The following PDE8A variants were observed in gnomAD, a reference collection of about 807,000 sequenced individuals.
PDE8A encodes high affinity cAMP-specific and IBMX-insensitive 3',5'-cyclic phosphodiesterase 8A.
PDE8A carries 59 observed loss-of-function variants against 105.0 expected under a neutral mutation model. That is an observed-to-expected ratio of 0.56 (90% CI 0.46 to 0.70). The LOEUF (loss-of-function observed/expected upper bound fraction) is 0.70, where lower values mean the gene tolerates loss of function less well. Ranked by LOEUF, PDE8A falls within the 30% of genes least tolerant of loss-of-function variation. The pLI, the probability that PDE8A is intolerant of heterozygous loss-of-function variation, is 0.00. For missense variants in PDE8A, 1,014 were observed against 1,045.9 expected (o/e 0.97, Z 0.42); for synonymous variants, 355 against 371.9 (o/e 0.95, Z 0.52).
intron 17 of PDE8A, 80 bp downstream of exon 17, chr15:85,117,919 A>C (rs1256780176): frequency 1.5e-5 from 17 of 1,112,158 alleles, no homozygotes; most frequent in Non-Finnish European, 2.1e-5. Flanking sequence ...ACTAAGATAC[A>C]TAGCATGACT....
chr15:85,003,737 C>G (rs1368370853), intron 1 of PDE8A, among the ~76,000 whole-genome samples: 2 of 152,142 alleles, frequency 1.3e-5, no homozygotes, highest in Non-Finnish European at 2.9e-5. Context: ...CAAGGCTTCC[C>G]AGTTGACGTT....
At chr15:84,997,614 CAG>C (rs1467483234) in intron 1 of PDE8A, among the ~76,000 whole-genome samples, 6 of 150,824 alleles carry the variant, frequency 4.0e-5, no homozygotes, top group Non-Finnish European at 5.9e-5. Context: ...TTTTTTGAGA[CAG>C]AGTTTTGCTC....
intron 1 of PDE8A, among the ~76,000 whole-genome samples, chr15:85,014,783 T>C (rs2080296736): frequency 6.6e-6 from 1 of 152,216 alleles, no homozygotes; most frequent in Admixed American, 6.5e-5. Flanking sequence ...AATTGAAATA[T>C]AATTCATATA....
intron 1 of PDE8A, among the ~76,000 whole-genome samples, chr15:85,025,318 G>A (rs2080497055): frequency 6.6e-6 from 1 of 152,064 alleles, no homozygotes; most frequent in Non-Finnish European, 1.5e-5. Flanking sequence ...TTCTTGAGGT[G>A]CTTGAAGAGC....
intron 1 of PDE8A, chr15:85,063,490 C>T (rs545734822): frequency 6.6e-6 from 1 of 152,142 alleles, no homozygotes; most frequent in Non-Finnish European, 1.5e-5. Flanking sequence ...TCAGTCCCAC[C>T]TTCTCCCTTC....
intron 1 of PDE8A, among the ~76,000 whole-genome samples, chr15:85,011,871 T>C (rs1356076745): frequency 6.6e-6 from 1 of 151,898 alleles, no homozygotes; most frequent in East Asian, 1.9e-4. Flanking sequence ...AACAACCCCA[T>C]CAAAAAGTGG....
intron 17 of PDE8A, among the ~76,000 whole-genome samples, chr15:85,118,462 A>G (rs1260300999): frequency 1.3e-5 from 2 of 152,176 alleles, no homozygotes; most frequent in Admixed American, 1.3e-4. Flanking sequence ...GCATCTGGGC[A>G]GTTCCAAACT....
intron 11 of PDE8A, among the ~76,000 whole-genome samples, chr15:85,103,869 TGGAA>T (rs1272281786): frequency 2.6e-5 from 4 of 152,178 alleles, no homozygotes; most frequent in Admixed American, 2.6e-4. Flanking sequence ...AGCAGACTCT[TGGAA>T]GGAAGCACTC....
rs1423272376 is a variant in PDE8A, at chr15:85,081,823, T to TA, written c.547-1732dup. On this transcript the variant is annotated intron_variant, in intron 5 of 21. Coordinates refer to ENST00000394553, the MANE Select transcript of PDE8A (RefSeq NM_002605.3). ...CATTTGGTCACATGCTAGTTTTTTT[T>TA]ACCTTGATTTCTGCCTTTGGGGTAA... 2.6e-5 allele frequency among the ~76,000 whole-genome samples: 4 copies of TA among 152,340 alleles called. No homozygotes were observed. In the East Asian group the frequency reaches 5.8e-4, roughly 22 times the overall value.
intron 3 of PDE8A, among the ~76,000 whole-genome samples, chr15:85,072,700 T>A (rs899040074): frequency 6.6e-6 from 1 of 152,202 alleles, no homozygotes; most frequent in African/African-American, 2.4e-5. Context: ...CTGGACTGTC[T>A]CCTCTGCACA....
chr15:85,001,280 A>G (rs1230710324), intron 1 of PDE8A, among the ~76,000 whole-genome samples: 1 of 152,242 alleles, frequency 6.6e-6, no homozygotes, highest in Non-Finnish European at 1.5e-5. Flanking sequence ...CGATGAAGGT[A>G]GAGCACTAAG....
intron 3 of PDE8A, among the ~76,000 whole-genome samples, chr15:85,069,387 G>A (rs1371440815): frequency 6.6e-6 from 1 of 152,058 alleles, no homozygotes; most frequent in Non-Finnish European, 1.5e-5. Context: ...GCTTTATATT[G>A]AACCCAACTT....
At position 85,016,816 on chromosome 15, in the gene PDE8A, C is replaced by T. The variant is rs376642053; in HGVS notation, c.186+34468C>T. On this transcript the variant is annotated intron_variant, in intron 1 of 21. Transcript: ENST00000394553. ...GGTATGTCTTTTTACTTGTTTAAAT[C>T]TCTTGTGGTTTTTTGGGAGTGTTTT... 2.0e-4 allele frequency among the ~76,000 whole-genome samples: 31 copies of T among 152,216 alleles called. No individual in the cohort carries two copies. In the East Asian group the frequency reaches 3.3e-3, roughly 16 times the overall value.
chr15:85,124,771 A>T (rs2082234076), intron 19 of PDE8A, among the ~76,000 whole-genome samples: 1 of 152,040 alleles, frequency 6.6e-6, no homozygotes, highest in African/African-American at 2.4e-5. Flanking sequence ...GCCATTCTGG[A>T]TAGGGCTCAT....
chr15:85,017,142 TC>T (rs1403525898), intron 1 of PDE8A, among the ~76,000 whole-genome samples: 1 of 151,472 alleles, frequency 6.6e-6, no homozygotes, highest in Non-Finnish European at 1.5e-5. Flanking sequence ...GCGCCTGTAG[TC>T]CCAGCTACTC....
intron 1 of PDE8A, among the ~76,000 whole-genome samples, chr15:84,986,318 A>G (rs2079801794): frequency 6.6e-6 from 1 of 152,236 alleles, no homozygotes; most frequent in Non-Finnish European, 1.5e-5. Context: ...ATCGAGTGTT[A>G]CTGCTGTCAG....
chr15:85,092,279 C>T (rs1596509719), intron 8 of PDE8A, among the ~76,000 whole-genome samples: 1 of 152,162 alleles, frequency 6.6e-6, no homozygotes, highest in Middle Eastern at 3.4e-3. Flanking sequence ...AAAGTAGGCA[C>T]TGCTCTATTT....
At chr15:85,079,895 G>A (rs542536331) in intron 5 of PDE8A, among the ~76,000 whole-genome samples, 1 of 152,066 alleles carries the variant, frequency 6.6e-6, no homozygotes, top group African/African-American at 2.4e-5. Context: ...CCTGCACAGT[G>A]GGAGCAAGAC....
intron 12 of PDE8A, 84 bp downstream of exon 12, chr15:85,109,214 C>T: frequency 1.2e-6 from 1 of 837,702 alleles, no homozygotes; most frequent in Non-Finnish European, 1.9e-6. Context: ...CCAGGCTCAT[C>T]CTGTCTACCT....
Sources: allele counts gnomAD v4.1 joint callset (sites outside exome capture counted in the v4.1 genomes callset), GRCh38; gene constraint gnomAD v4.1.1; transcripts MANE v1.5; gene names NCBI Gene and HGNC (gene_info 2026-07-23, HGNC 2026-07-21).